Variants in TRHDE observed in about 807,000 individuals in gnomAD.
TRHDE encodes thyrotropin releasing hormone degrading enzyme, also known as thyrotropin-releasing hormone-degrading ectoenzyme.
In TRHDE, 72 loss-of-function variants were observed where a neutral mutation model predicts 125.7. The ratio of observed to expected loss-of-function variants is 0.57; its 90% CI spans 0.47 to 0.70. The LOEUF is 0.70. TRHDE is among the 30% of genes least tolerant of loss of function. TRHDE has a pLI of 0.00. For missense variants in TRHDE, 1,110 were observed against 1,327.1 expected (o/e 0.84, Z 2.54); for synonymous variants, 509 against 509.1 (o/e 1.00, Z 0.00).
At chr12:72,483,162 G>A (rs1241347303) in intron 5 of TRHDE, among the ~76,000 whole-genome samples, 1 of 151,660 alleles carries the variant, frequency 6.6e-6, no homozygotes, top group Non-Finnish European at 1.5e-5. Context: ...TCTCAGTCAG[G>A]GATGGGAGAC....
At chr12:72,145,855 T>TA (rs1478161343) in intron 2 of TRHDE, among the ~76,000 whole-genome samples, 3 of 152,172 alleles carry the variant, frequency 2.0e-5, no homozygotes, top group Non-Finnish European at 2.9e-5. Flanking sequence ...CCAAATATCT[T>TA]AAAAAACATG....
At chr12:72,089,944 C>G (rs1566206792) in intron 1 of TRHDE, among the ~76,000 whole-genome samples, 1 of 152,034 alleles carries the variant, frequency 6.6e-6, no homozygotes, top group Non-Finnish European at 1.5e-5. Context: ...TGATGGATGA[C>G]TAAAGATAAT....
intron 3 of TRHDE, among the ~76,000 whole-genome samples, chr12:72,388,047 T>A (rs565326154): frequency 6.6e-6 from 1 of 151,594 alleles, no homozygotes; most frequent in Non-Finnish European, 1.5e-5. Context: ...GACCCTCTAA[T>A]CTCATTTATT....
chr12:72,343,080 C>T (rs1267900239), intron 2 of TRHDE, among the ~76,000 whole-genome samples: 1 of 152,084 alleles, frequency 6.6e-6, no homozygotes, highest in Non-Finnish European at 1.5e-5. Flanking sequence ...GGATTCTAAG[C>T]CAGGCAGTCA....
At chr12:72,381,023 A>G (rs1872150978) in intron 3 of TRHDE, among the ~76,000 whole-genome samples, 1 of 152,126 alleles carries the variant, frequency 6.6e-6, no homozygotes, top group Non-Finnish European at 1.5e-5. Context: ...CTGTAGGGCA[A>G]TGATTCCCAA....
In TRHDE at chr12:72,300,087, G is replaced by A. The variant is rs1262469131; in HGVS notation, c.1188+13133G>A. Among the ~76,000 whole-genome samples, 3 of 152,182 alleles carry A rather than the reference G, an allele frequency of 2.0e-5. No individual in the cohort carries two copies. The East Asian group carries it at 5.8e-4, about 29-fold the overall frequency. On this transcript the variant is annotated intron_variant, in intron 2 of 18. Coordinates refer to ENST00000261180, the MANE Select transcript of TRHDE (RefSeq NM_013381.3). Reference sequence around the variant, plus strand: ...AATGGCTGTGATTTAATTACTGAGTGCAGATTTTAAAGAATATTTTTATAA... The same window carrying A: ...AATGGCTGTGATTTAATTACTGAGTACAGATTTTAAAGAATATTTTTATAA...
At chr12:72,091,765 C>G (rs1023379884) in intron 1 of TRHDE, among the ~76,000 whole-genome samples, 1 of 152,140 alleles carries the variant, frequency 6.6e-6, no homozygotes, top group Admixed American at 6.5e-5. Context: ...GCAGTCACGA[C>G]CCAGGCACAA....
chr12:72,445,659 A>C (rs573627869), intron 3 of TRHDE, among the ~76,000 whole-genome samples: 1 of 152,044 alleles, frequency 6.6e-6, no homozygotes, highest in East Asian at 1.9e-4. Context: ...CCACTGATTT[A>C]TTTCCAACTA....
chr12:72,341,371 G>T (rs1284544174), intron 2 of TRHDE, among the ~76,000 whole-genome samples: 1 of 151,844 alleles, frequency 6.6e-6, no homozygotes, highest in Non-Finnish European at 1.5e-5. Flanking sequence ...GTGGTGGTTG[G>T]TTTTCTGTCC....
chr12:72,106,396 A>C (rs1875189320), intron 2 of TRHDE, among the ~76,000 whole-genome samples: 1 of 152,154 alleles, frequency 6.6e-6, no homozygotes, highest in African/African-American at 2.4e-5. Context: ...AACAAAAGTG[A>C]AGGAAAAGGG....
chr12:72,284,372 A>C (rs1327223862), intron 1 of TRHDE, among the ~76,000 whole-genome samples: 1 of 152,172 alleles, frequency 6.6e-6, no homozygotes, highest in Non-Finnish European at 1.5e-5. Flanking sequence ...TCTTTTAAAT[A>C]GCCTCAGTGA....
At chr12:72,384,851 G>T (rs892606490) in intron 3 of TRHDE, among the ~76,000 whole-genome samples, 4 of 151,872 alleles carry the variant, frequency 2.6e-5, no homozygotes, top group African/African-American at 9.7e-5. Flanking sequence ...AAATACTAAA[G>T]CTTTTCATCA....
At chr12:72,171,143 C>T (rs1454948459) in intron 2 of TRHDE, among the ~76,000 whole-genome samples, 3 of 152,140 alleles carry the variant, frequency 2.0e-5, no homozygotes, top group Non-Finnish European at 4.4e-5. Context: ...GCTCTTCTCT[C>T]AGTTTCCTTT....
intron 12 of TRHDE, among the ~76,000 whole-genome samples, chr12:72,606,900 CTAA>C (rs1461341668): frequency 5.3e-5 from 8 of 152,116 alleles, no homozygotes; most frequent in Non-Finnish European, 8.8e-5. Context: ...CTGTGTATCT[CTAA>C]TAATAATTAT....
chr12:72,269,027 C>T (rs975096735), upstream of TRHDE, among the ~76,000 whole-genome samples: 9 of 152,146 alleles, frequency 5.9e-5, no homozygotes, highest in African/African-American at 2.2e-4. Flanking sequence ...ATCTTGAATC[C>T]AGTGACCTAT....
chr12:72,506,082 T>C lies in TRHDE; in HGVS notation c.1722+6447T>C, dbSNP rs1039698703. On this transcript the variant is annotated intron_variant, in intron 6 of 18. Transcript: ENST00000261180. ...GAGAGGCTGAGATGGAAGGACTGCT[T>C]GAGCCCAGGAGTTCAACTCAAGTCT... is the stretch of plus-strand genomic sequence containing the variant. Among the ~76,000 whole-genome samples, 5 of 152,330 alleles carry C rather than the reference T, an allele frequency of 3.3e-5. No homozygotes were observed. In the East Asian group the frequency reaches 9.6e-4, roughly 29 times the overall value.
intron 2 of TRHDE, among the ~76,000 whole-genome samples, chr12:72,130,363 G>A (rs886870136): frequency 6.6e-6 from 1 of 152,098 alleles, no homozygotes; most frequent in East Asian, 1.9e-4. Flanking sequence ...AAGAACAGAA[G>A]TGCAGGATTG....
At chr12:72,217,080 C>T (rs1312496461) in intron 2 of TRHDE, among the ~76,000 whole-genome samples, 1 of 151,536 alleles carries the variant, frequency 6.6e-6, no homozygotes, top group Non-Finnish European at 1.5e-5. Flanking sequence ...TTTCAGTGTA[C>T]ATTGCTGTCC....
At chr12:72,392,414 T>C (rs1337321987) in intron 3 of TRHDE, among the ~76,000 whole-genome samples, 1 of 152,168 alleles carries the variant, frequency 6.6e-6, no homozygotes, top group African/African-American at 2.4e-5. Flanking sequence ...CTTCCTTAAA[T>C]ATCTTTTACT....
Sources: allele counts gnomAD v4.1 joint callset (sites outside exome capture counted in the v4.1 genomes callset), GRCh38; gene constraint gnomAD v4.1.1; transcripts MANE v1.5; gene names NCBI Gene and HGNC (gene_info 2026-07-23, HGNC 2026-07-21).